The following CNTNAP2 variants were observed in gnomAD, a reference collection of about 807,000 sequenced individuals.
CNTNAP2 encodes contactin associated protein 2.
In CNTNAP2, 98 loss-of-function variants were observed where a neutral mutation model predicts 155.2. The ratio of observed to expected loss-of-function variants is 0.63; its 90% CI spans 0.54 to 0.75. The LOEUF (loss-of-function observed/expected upper bound fraction) is 0.75. CNTNAP2 is among the 30% of genes least tolerant of loss of function. The pLI is 0.00. For missense variants in CNTNAP2, 1,727 were observed against 1,688.1 expected, an observed-to-expected ratio of 1.02 and a Z score of -0.40; for synonymous variants, 651 against 631.2, an observed-to-expected ratio of 1.03 and a Z score of -0.47.
Position 147,608,416 on chromosome 7 carries a change from C to G in CNTNAP2, c.1898-30690C>G, listed in dbSNP as rs895479986. Among the ~76,000 whole-genome samples the G allele has an allele frequency of 2.7e-5, 4 of 149,210 alleles. No individual in the cohort carries two copies. The East Asian group carries it at 7.8e-4, about 29-fold the overall frequency. On this transcript the variant is annotated intron_variant, in intron 12 of 23. Transcript: ENST00000361727. The stretch of plus-strand genomic sequence containing the variant: ...AGTGTTTTTTTTAAACTTACTGTTA[C>G]AGAGCTATCTGGTAGGATCTATAAC...
intron 10 of CNTNAP2, among the ~76,000 whole-genome samples, chr7:147,473,664 T>C (rs933292041): frequency 6.6e-6 from 1 of 152,232 alleles, no homozygotes; most frequent in Non-Finnish European, 1.5e-5. Flanking sequence ...GCATCCAGTG[T>C]CTTCCTTTCA....
intron 3 of CNTNAP2, among the ~76,000 whole-genome samples, chr7:146,856,254 T>TATA (rs1185745569): frequency 6.3e-5 from 9 of 143,318 alleles, no homozygotes; most frequent in African/African-American, 2.3e-4. Context: ...GATAGATAGA[T>TATA]GATAGATATA....
chr7:148,327,915 A>G (rs1010744959), intron 21 of CNTNAP2, among the ~76,000 whole-genome samples: 10 of 151,832 alleles, frequency 6.6e-5, no homozygotes, highest in African/African-American at 2.4e-4. Context: ...GGATCTTCTG[A>G]CCTTGATCCA....
intron 1 of CNTNAP2, among the ~76,000 whole-genome samples, chr7:146,126,420 C>T (rs1221463096): frequency 2.6e-5 from 4 of 152,070 alleles, no homozygotes; most frequent in African/African-American, 9.7e-5. Context: ...AATGGTAGCA[C>T]ATTAAATCAT....
At chr7:148,218,580 T>C (rs1016728478) in intron 19 of CNTNAP2, among the ~76,000 whole-genome samples, 1 of 151,760 alleles carries the variant, frequency 6.6e-6, no homozygotes, top group Non-Finnish European at 1.5e-5. Context: ...ATTTGTAGAG[T>C]TGGGGGTCTC....
intron 1 of CNTNAP2, among the ~76,000 whole-genome samples, chr7:146,596,975 C>A (rs347184): frequency 0.82 from 124,832 of 152,010 alleles, 51,800 homozygotes; most frequent in South Asian, 0.9. Flanking sequence ...TGTCAGTAAC[C>A]GTAAATAAAT....
intron 18 of CNTNAP2, chr7:148,190,066 C>T (rs1003212342): frequency 2.0e-5 from 3 of 152,212 alleles, no homozygotes; most frequent in Non-Finnish European, 4.4e-5. Context: ...TCTAGTTTTC[C>T]TCTCCAAGAA....
At chr7:147,109,883 T>C (rs1392280604) in intron 5 of CNTNAP2, among the ~76,000 whole-genome samples, 4 of 147,032 alleles carry the variant, frequency 2.7e-5, no homozygotes, top group Non-Finnish European at 5.9e-5. Flanking sequence ...TTATGTGGGG[T>C]TGTTGTTATT....
chr7:146,388,016 G>GTA (rs1344795442), intron 1 of CNTNAP2, among the ~76,000 whole-genome samples: 2 of 151,398 alleles, frequency 1.3e-5, no homozygotes, highest in African/African-American at 4.9e-5. Flanking sequence ...GAGTGTGTGT[G>GTA]TGTGTGTGTG....
chr7:146,799,821 G>A (rs1421123693), intron 2 of CNTNAP2, among the ~76,000 whole-genome samples: 2 of 151,966 alleles, frequency 1.3e-5, no homozygotes, highest in African/African-American at 2.4e-5. Context: ...TTTTAAAATG[G>A]GGATCACTTT....
chr7:146,395,227 A>G (rs1367244297), intron 1 of CNTNAP2, among the ~76,000 whole-genome samples: 1 of 152,150 alleles, frequency 6.6e-6, no homozygotes, highest in Non-Finnish European at 1.5e-5. Flanking sequence ...TATCTTTTAT[A>G]GAAACTTTTA....
intron 1 of CNTNAP2, among the ~76,000 whole-genome samples, chr7:146,362,875 A>G (rs973135151): frequency 6.2e-5 from 9 of 145,576 alleles, no homozygotes; most frequent in African/African-American, 2.3e-4. Flanking sequence ...GGTTCAAGAG[A>G]TTCTCCTGCC....
intron 8 of CNTNAP2, among the ~76,000 whole-genome samples, chr7:147,196,976 G>T (rs10274224): frequency 0.36 from 54,472 of 151,768 alleles, 10,761 homozygotes; most frequent in East Asian, 0.6. Context: ...TGATTTACGC[G>T]GACTTCTAGA....
At chr7:147,480,025 G>C (rs911743393) in intron 10 of CNTNAP2, among the ~76,000 whole-genome samples, 9 of 152,064 alleles carry the variant, frequency 5.9e-5, no homozygotes, top group African/African-American at 2.2e-4. Flanking sequence ...AATCTAGTTA[G>C]TATAGAAATA....
rs938828947 is a variant in CNTNAP2 at position 147,553,380 on chromosome 7, T to C, written c.1778-8758T>C. On this transcript the variant is annotated intron_variant, in intron 11 of 23. Transcript: ENST00000361727. ...GGGGAGGAAGTGTAAGGAAAGTCCT[T>C]CTCTTGTCTTCCTTGCAACCTCCTA... Among the ~76,000 whole-genome samples, 24 of 152,286 alleles carry C rather than the reference T, an allele frequency of 1.6e-4. No homozygotes were observed. In the East Asian group the frequency reaches 4.4e-3, roughly 28 times the overall value.
At chr7:146,243,877 C>T (rs1299397908) in intron 1 of CNTNAP2, among the ~76,000 whole-genome samples, 1 of 152,050 alleles carries the variant, frequency 6.6e-6, no homozygotes, top group Non-Finnish European at 1.5e-5. Context: ...AGTGTTGGGA[C>T]AGCGAAAATT....
intron 13 of CNTNAP2, among the ~76,000 whole-genome samples, chr7:147,862,336 T>C (rs181751339): frequency 1.4e-3 from 211 of 152,294 alleles, no homozygotes; most frequent in Non-Finnish European, 2.6e-3. Flanking sequence ...CCCGTACTCC[T>C]CCAAGCATTC....
At chr7:148,062,050 T>A (rs1217001584) in intron 15 of CNTNAP2, among the ~76,000 whole-genome samples, 2 of 150,456 alleles carry the variant, frequency 1.3e-5, no homozygotes, top group African/African-American at 2.5e-5. Context: ...TGTGTGTGTG[T>A]GTGTGTGTGT....
At chr7:146,582,579 T>C (rs1798627914) in intron 1 of CNTNAP2, among the ~76,000 whole-genome samples, 1 of 152,128 alleles carries the variant, frequency 6.6e-6, no homozygotes, top group South Asian at 2.1e-4. Flanking sequence ...GAATTGCAGG[T>C]GTTGATTTGT....
Sources: allele counts gnomAD v4.1 joint callset (sites outside exome capture counted in the v4.1 genomes callset), GRCh38; gene constraint gnomAD v4.1.1; transcripts MANE v1.5; gene names NCBI Gene and HGNC (gene_info 2026-07-23, HGNC 2026-07-21).